GRID2: variants seen among roughly 807,000 people sequenced by gnomAD.
GRID2 encodes glutamate receptor ionotropic, delta-2.
In GRID2, 33 loss-of-function variants were observed where a neutral mutation model predicts 114.8. That is an observed-to-expected ratio of 0.29 (90% CI 0.22 to 0.38). The LOEUF is 0.38. GRID2 is among the 10% of genes least tolerant of loss of function. GRID2 has a pLI of 1.00. For missense variants in GRID2, 1,184 were observed against 1,257.7 expected (o/e 0.94, Z 0.89); for synonymous variants, 505 against 449.9 (o/e 1.12, Z -1.55).
intron 2 of GRID2, among the ~76,000 whole-genome samples, chr4:92,678,654 A>G (rs1733502426): frequency 6.6e-6 from 1 of 152,024 alleles, no homozygotes; most frequent in South Asian, 2.1e-4. Context: ...CCTTAAAAAA[A>G]AAAACCTTAG....
intron 1 of GRID2, among the ~76,000 whole-genome samples, chr4:92,567,709 C>T (rs1231218409): frequency 6.6e-6 from 1 of 152,012 alleles, no homozygotes; most frequent in East Asian, 1.9e-4. Context: ...ACTTGGTATA[C>T]ATACTTTAAG....
intron 1 of GRID2, among the ~76,000 whole-genome samples, chr4:92,576,442 C>T (rs1727897379): frequency 6.6e-6 from 1 of 152,206 alleles, no homozygotes; most frequent in Non-Finnish European, 1.5e-5. Flanking sequence ...ACCAGTGGGT[C>T]TTATCCTGTG....
chr4:93,079,497 T>C (rs1458074355), intron 2 of GRID2, among the ~76,000 whole-genome samples: 1 of 152,010 alleles, frequency 6.6e-6, no homozygotes, highest in East Asian at 1.9e-4. Flanking sequence ...CCTTTCTGTT[T>C]AAAAACAATG....
chr4:93,584,465 C>G (rs1200968243), intron 13 of GRID2, among the ~76,000 whole-genome samples: 1 of 151,954 alleles, frequency 6.6e-6, no homozygotes, highest in Non-Finnish European at 1.5e-5. Flanking sequence ...TTATACTATC[C>G]CTCAATGGTT....
At chr4:93,467,807 T>C (rs1412902293) in intron 11 of GRID2, among the ~76,000 whole-genome samples, 1 of 152,196 alleles carries the variant, frequency 6.6e-6, no homozygotes, top group East Asian at 1.9e-4. Flanking sequence ...TATGACAATG[T>C]TAAGTTCTAT....
chr4:93,045,331 A>G (rs1726029010), intron 2 of GRID2, among the ~76,000 whole-genome samples: 1 of 151,964 alleles, frequency 6.6e-6, no homozygotes, highest in Non-Finnish European at 1.5e-5. Context: ...TTCCTGGTGC[A>G]TCTGCTCATG....
chr4:92,498,012 A>T (rs1010296892), intron 1 of GRID2, among the ~76,000 whole-genome samples: 1 of 151,982 alleles, frequency 6.6e-6, no homozygotes, highest in South Asian at 2.1e-4. Context: ...TCATGAGCTC[A>T]GTGATAATCA....
chr4:93,685,537 A>G (rs1022636013), intron 14 of GRID2, among the ~76,000 whole-genome samples: 6 of 152,104 alleles, frequency 3.9e-5, no homozygotes, highest in Non-Finnish European at 5.9e-5. Context: ...GATCAGATCT[A>G]TCTTGTTCAC....
intron 1 of GRID2, among the ~76,000 whole-genome samples, chr4:93,781,184 A>G (rs17296189): frequency 0.38 from 58,549 of 152,084 alleles, 12,059 homozygotes; most frequent in East Asian, 0.76. Flanking sequence ...ATTGAGAATC[A>G]TTTGTTTTCT....
intron 2 of GRID2, among the ~76,000 whole-genome samples, chr4:92,734,839 T>G (rs1475048557): frequency 2.0e-5 from 3 of 151,344 alleles, no homozygotes; most frequent in Non-Finnish European, 4.4e-5. Flanking sequence ...AGTGCTGTGA[T>G]GCAATCATGG....
intron 13 of GRID2, among the ~76,000 whole-genome samples, chr4:93,578,440 A>G (rs1736625367): frequency 6.6e-6 from 1 of 152,146 alleles, no homozygotes; most frequent in Non-Finnish European, 1.5e-5. Flanking sequence ...TTTTTTGAAA[A>G]GAATACAAAT....
chr4:92,897,257 C>A (rs941276602), intron 2 of GRID2, among the ~76,000 whole-genome samples: 1 of 152,058 alleles, frequency 6.6e-6, no homozygotes, highest in Non-Finnish European at 1.5e-5. Flanking sequence ...CAAACAAATT[C>A]TCCCCATGTC....
At chr4:92,729,092 CTTATA>C (rs1736205894) in intron 2 of GRID2, among the ~76,000 whole-genome samples, 2 of 152,090 alleles carry the variant, frequency 1.3e-5, no homozygotes, top group South Asian at 4.2e-4. Context: ...TCTGGCCTTG[CTTATA>C]TTATTCACCT....
At chr4:93,140,611 G>A (rs1735688234) in intron 4 of GRID2, among the ~76,000 whole-genome samples, 1 of 152,272 alleles carries the variant, frequency 6.6e-6, no homozygotes, top group Middle Eastern at 3.4e-3. Context: ...CATTAGAAAT[G>A]TTACTGATAC....
intron 8 of GRID2, among the ~76,000 whole-genome samples, chr4:93,295,261 A>T (rs1754172092): frequency 6.6e-6 from 1 of 152,176 alleles, no homozygotes. Context: ...GAGAAAAACG[A>T]GGTCCAAATG....
chr4:93,273,452 G>A (rs1316866961), intron 8 of GRID2, among the ~76,000 whole-genome samples: 1 of 93,716 alleles, frequency 1.1e-5, no homozygotes, highest in Non-Finnish European at 2.0e-5. Flanking sequence ...GTGGTAGTCA[G>A]AATAATATCC....
chr4:93,603,377 C>A (rs548662007), intron 13 of GRID2, among the ~76,000 whole-genome samples: 1 of 152,174 alleles, frequency 6.6e-6, no homozygotes, highest in African/African-American at 2.4e-5. Flanking sequence ...TTCTATTCAC[C>A]TCTATGAGAA....
intron 2 of GRID2, among the ~76,000 whole-genome samples, chr4:92,632,580 C>T (rs547895164): frequency 2.6e-5 from 4 of 151,944 alleles, no homozygotes; most frequent in African/African-American, 4.8e-5. Context: ...TGTAGTGAGC[C>T]GAGATCGCAC....
chr4:93,046,211 G>T (rs751055231), intron 2 of GRID2, among the ~76,000 whole-genome samples: 1 of 151,920 alleles, frequency 6.6e-6, no homozygotes, highest in African/African-American at 2.4e-5. Context: ...TTTCTCACCT[G>T]CTCCTCTTTC....
Sources: allele counts gnomAD v4.1 joint callset (sites outside exome capture counted in the v4.1 genomes callset), GRCh38; gene constraint gnomAD v4.1.1; transcripts MANE v1.5; gene names NCBI Gene and HGNC (gene_info 2026-07-23, HGNC 2026-07-21).